The following PTPA variants were observed in gnomAD, a reference collection of about 807,000 sequenced individuals.
PTPA encodes serine/threonine-protein phosphatase 2A activator.
A neutral mutation model predicts 43.6 loss-of-function variants in PTPA; 13 were observed. The observed-to-expected ratio is 0.30, with a 90% CI of 0.19 to 0.47. PTPA has a LOEUF of 0.47. PTPA is among the 20% of genes least tolerant of loss of function. The probability of loss-of-function intolerance (pLI) is 0.99; values close to 1 mark genes in which losing one functional copy is unlikely to be tolerated. For synonymous variants in PTPA, 172 were observed against 158.2 expected (o/e 1.09, Z -0.66); for missense variants, 329 against 411.9 (o/e 0.80, Z 1.74).
chr9:129,140,877 C>A (rs1160622341), intron 8 of PTPA, among the ~76,000 whole-genome samples: 2 of 152,120 alleles, frequency 1.3e-5, no homozygotes, highest in African/African-American at 2.4e-5. Flanking sequence ...AGAGGTGAGG[C>A]CCCTGTAGGC....
intron 5 of PTPA, 71 bp downstream of exon 5, chr9:129,131,710 C>G: frequency 1.4e-6 from 2 of 1,417,606 alleles, no homozygotes; most frequent in South Asian, 1.2e-5. Context: ...CAGGTGGTCT[C>G]TGGGCCCTCT....
chr9:129,137,678 C>G lies in PTPA; in HGVS notation c.772C>G (p.Leu258Val). 6.2e-7 allele frequency: 1 copy of G among 1,606,278 alleles called. No homozygotes were observed. The highest frequency in any genetic ancestry group is 1.1e-5 in the South Asian group (1 of 89,778). Residue 258 changes from leucine (L) to valine (V), a missense_variant, in exon 8 of 10, where the codon CTG (leucine) becomes GTG (valine). Leu to Val is a conservative substitution (Grantham distance 32, BLOSUM62 1). Transcript: ENST00000393370. The part of the protein sequence containing the change: ...HKDYMFLECI[L>V]FITEMKTGPF... ...GGACTACATGTTCCTGGAGTGTATC[C>G]TGTTTATTACCGAGGTGAGGAGGAG... is the stretch of plus-strand genomic sequence containing the variant.
chr9:129,146,452 G>A lies in PTPA; in HGVS notation c.895-935G>A, dbSNP rs531081499. ...CCGTTTGTCTCTAAGTTAGTTGGAG[G>A]TTAAGATCACAGCCACAGAGTGAGG... On this transcript the variant is annotated intron_variant, in intron 9 of 9. Transcript: ENST00000393370. Among the ~76,000 whole-genome samples, 88 of 152,362 alleles carry A rather than the reference G, an allele frequency of 5.8e-4. 1 individual carries two copies. The highest frequency in any genetic ancestry group is 1.1e-3 in the Non-Finnish European group (77 of 68,032).
chr9:129,114,210 A>T (rs1364748815), intron 1 of PTPA, among the ~76,000 whole-genome samples: 3 of 152,078 alleles, frequency 2.0e-5, no homozygotes, highest in African/African-American at 7.2e-5. Flanking sequence ...TTTAGTAGAG[A>T]TGGGATTTCG....
intron 8 of PTPA, among the ~76,000 whole-genome samples, chr9:129,140,761 A>C (rs1419879950): frequency 1.0e-5 from 1 of 96,072 alleles, no homozygotes; most frequent in African/African-American, 3.9e-5. Context: ...AAGTGTGCAC[A>C]GGGCTGGAGC....
At position 129,111,440 on chromosome 9, in the gene PTPA, T is replaced by C. The variant is rs1431896174; in HGVS notation, c.-161T>C. On this transcript the variant is annotated 5_prime_UTR_variant, in exon 1 of 10. Transcript: ENST00000393370. ...ACCGACATGGCGGCCGTCTTCGCTG[T>C]GGTGACTTTAACTCTCGGTTTTCGG... 4 of 1,249,412 alleles carry C rather than the reference T, an allele frequency of 3.2e-6. No homozygotes were observed. In the Admixed American group the frequency reaches 1.7e-4, roughly 53 times the overall value. 77.4% of individuals were successfully genotyped at this position (1,249,412 alleles called of 1,614,324 possible). A position where few individuals can be genotyped will look rare whatever the true frequency, so the allele number is the denominator to read the frequency against.
At chr9:129,131,356 A>G (rs1008085932) in intron 4 of PTPA, among the ~76,000 whole-genome samples, 166 bp from the exon 5 acceptor site, 1 of 152,210 alleles carries the variant, frequency 6.6e-6, no homozygotes, top group African/African-American at 2.4e-5. Context: ...TCTGCTGTGG[A>G]AGAATAAATG....
intron 1 of PTPA, among the ~76,000 whole-genome samples, chr9:129,116,344 C>T (rs1848863761): frequency 9.6e-6 from 1 of 104,054 alleles, no homozygotes; most frequent in African/African-American, 2.8e-5. Flanking sequence ...GTCACCTCGC[C>T]CAGCTAATTT....
chr9:129,110,950 A>T (rs1407120550), upstream of PTPA: 8 of 1,359,322 alleles, frequency 5.9e-6, no homozygotes, highest in Non-Finnish European at 7.9e-6. The surrounding 1 kb of genome is among the most constrained non-coding windows in gnomAD (Gnocchi z 5.3). Context: ...AGGGCGAGTC[A>T]TTGAGACCTG....
intron 8 of PTPA, among the ~76,000 whole-genome samples, chr9:129,141,314 GCTTA>G (rs1218029505): frequency 6.6e-6 from 1 of 152,048 alleles, no homozygotes; most frequent in African/African-American, 2.4e-5. Flanking sequence ...AGCGTTTCTG[GCTTA>G]TCTTTTCTCC....
chr9:129,126,231 T>C (rs1428774481), intron 3 of PTPA, among the ~76,000 whole-genome samples: 5 of 152,108 alleles, frequency 3.3e-5, no homozygotes, highest in African/African-American at 1.2e-4. Context: ...TGGAGTCTTG[T>C]TCCCCAGGCT....
upstream of PTPA, chr9:129,111,404 G>A (rs779279059): frequency 8.0e-7 from 1 of 1,245,262 alleles, no homozygotes; most frequent in Non-Finnish European, 1.0e-6. Flanking sequence ...CTTGCTCCCT[G>A]AGCGCCCCGC....
At chr9:129,142,915 T>C in intron 9 of PTPA, 4 of 1,469,502 alleles carry the variant, frequency 2.7e-6, no homozygotes, top group Non-Finnish European at 2.7e-6. Context: ...GGCTCTCCCA[T>C]GGCATACCTG....
At chr9:129,119,648 T>C (rs1849121411) in intron 1 of PTPA, 1 of 152,262 alleles carries the variant, frequency 6.6e-6, no homozygotes, top group Middle Eastern at 3.1e-3. Flanking sequence ...TACCTTGTGA[T>C]CTGCCTGCCT....
chr9:129,136,902 C>A (rs1850409643), intron 7 of PTPA, among the ~76,000 whole-genome samples: 1 of 152,202 alleles, frequency 6.6e-6, no homozygotes, highest in African/African-American at 2.4e-5. Context: ...TGCGCCCCAG[C>A]TCCTGGCAGC....
At chr9:129,128,952 T>G (rs1234778276) in intron 3 of PTPA, 33 bp from the exon 4 acceptor site, 7 of 1,611,614 alleles carry the variant, frequency 4.3e-6, no homozygotes, top group Non-Finnish European at 4.2e-6. Context: ...CCACTTGCTC[T>G]GTAGCTTGGA....
chr9:129,136,737 C>T (rs903714403), intron 7 of PTPA, 142 bp downstream of exon 7: 52 of 1,153,882 alleles, frequency 4.5e-5, no homozygotes, highest in Non-Finnish European at 5.4e-5. Flanking sequence ...GGCATTAGAC[C>T]AGCTATTGAG....
At chr9:129,111,319 T>TGCGCCCCGC (rs1848455349), upstream of PTPA, 29 of 1,122,306 alleles carry the variant, frequency 2.6e-5, no homozygotes, top group Non-Finnish European at 2.6e-5. Context: ...TTGGCGCGCA[T>TGCGCCCCGC]GCGCCCCGCG....
intron 9 of PTPA, among the ~76,000 whole-genome samples, chr9:129,144,581 AT>A (rs1851158728): frequency 6.6e-6 from 1 of 151,366 alleles, no homozygotes; most frequent in African/African-American, 2.4e-5. Flanking sequence ...TACTAAAAAT[AT>A]AAAAAAATTA....
Sources: allele counts gnomAD v4.1 joint callset (sites outside exome capture counted in the v4.1 genomes callset), GRCh38; gene constraint gnomAD v4.1.1; non-coding constraint Gnocchi (gnomAD v3.1); transcripts MANE v1.5; gene names NCBI Gene and HGNC (gene_info 2026-07-23, HGNC 2026-07-21).